Variants in MORC2 observed in about 807,000 individuals in gnomAD.
MORC2 encodes MORC family CW-type zinc finger 2.
A neutral mutation model predicts 136.0 loss-of-function variants in MORC2; 30 were observed. The observed-to-expected ratio is 0.22, with a 90% CI of 0.17 to 0.30. The LOEUF is 0.30. Among genes scored for constraint, MORC2 ranks in the 10% least tolerant of loss-of-function variants. The pLI is 1.00. For missense variants in MORC2, 922 were observed against 1,333.1 expected (o/e 0.69, Z 4.80); for synonymous variants, 439 against 487.0 (o/e 0.90, Z 1.30).
chr22:30,966,040 C>T (rs765074254), intron 1 of MORC2, among the ~76,000 whole-genome samples: 1 of 152,214 alleles, frequency 6.6e-6, no homozygotes, highest in Non-Finnish European at 1.5e-5. Context: ...TCAGTTTCCT[C>T]AAATGCAAAA....
At position 30,932,837 on chromosome 22, in the gene MORC2, C is replaced by T; in HGVS notation, c.2522+52G>A. ...CCAGGATGGGCTGCTGGCAGGGAGG[C>T]CGGGGATACCTCCTTCGAGGAACCA... is the stretch of plus-strand genomic sequence containing the variant. On this transcript the variant is annotated intron_variant, in intron 22 of 25. Transcript: ENST00000397641. This position sits in a 1 kb window ranked among gnomAD's most constrained non-coding sequence, Gnocchi z 4.4. 6.2e-7 allele frequency: 1 copy of T among 1,613,306 alleles called. No homozygotes were observed. Among genetic ancestry groups the T allele is most frequent in the Non-Finnish European group, 8.5e-7 (1 of 1,179,426 alleles).
At position 30,937,075 on chromosome 22, in the gene MORC2, C is replaced by T. The variant is rs1331725175; in HGVS notation, c.1499-38G>A. 1.4e-6 allele frequency: 2 copies of T among 1,447,752 alleles called. No homozygotes were observed. The highest frequency in any genetic ancestry group is 1.7e-5 in the Admixed American group (1 of 58,832). 89.7% of individuals were successfully genotyped at this position (1,447,752 alleles called of 1,614,324 possible). A position where few individuals can be genotyped will look rare whatever the true frequency, so the allele number is the denominator to read the frequency against. Reference sequence around the variant, plus strand: ...AAAAAACCCCACATATCAGCCACGCCCACCAACTCTATCTGTAATCCGGGT... The same window carrying T: ...AAAAAACCCCACATATCAGCCACGCTCACCAACTCTATCTGTAATCCGGGT... On this transcript the variant is annotated intron_variant, in intron 15 of 25. Transcript: ENST00000397641. The surrounding 1 kb of genome is among the most constrained non-coding windows in gnomAD (Gnocchi z 4.7).
rs576379488 is a variant in MORC2, at chr22:30,927,643, G to C, written c.3030+376C>G. On this transcript the variant is annotated intron_variant, in intron 25 of 25. Transcript: ENST00000397641. The stretch of plus-strand genomic sequence containing the variant: ...TGTTCATTCTGTATCCACAGGACAG[G>C]CACAGAGCAGGCCCTCATGCTTATT... Among the ~76,000 whole-genome samples, 211 of 152,312 alleles carry C rather than the reference G, an allele frequency of 1.4e-3. 1 individual carries two copies. The highest frequency in any genetic ancestry group is 4.8e-3 in the African/African-American group (199 of 41,562).
intron 6 of MORC2, among the ~76,000 whole-genome samples, chr22:30,944,162 G>A (rs2040780729): frequency 6.6e-6 from 1 of 152,270 alleles, no homozygotes; most frequent in Admixed American, 6.5e-5. Flanking sequence ...TGAAATCTTG[G>A]CTGAGTTTGC....
rs1207769294 is a variant in MORC2 at position 30,967,932 on chromosome 22, A to C, written c.-43T>G. 1.4e-6 allele frequency: 2 copies of C among 1,415,298 alleles called. No homozygotes were observed. Among genetic ancestry groups the C allele is most frequent in the African/African-American group, 1.4e-5 (1 of 70,262 alleles). The allele number at this position is 1,415,298 out of a possible 1,614,324, so 87.7% of individuals were successfully genotyped here. The stretch of plus-strand genomic sequence containing the variant: ...CAGCCCTTCACCCGCTAACTGGGAA[A>C]TATAACCTTATAATGATATCGATTT... On this transcript the variant is annotated 5_prime_UTR_variant, in exon 1 of 26. Transcript: ENST00000397641.
At chr22:30,933,316 T>C in intron 21 of MORC2, 150 bp downstream of exon 21, 1 of 871,310 alleles carries the variant, frequency 1.1e-6, no homozygotes, top group East Asian at 2.6e-5. Flanking sequence ...AGAATTCTGC[T>C]TGGGATTAGA....
At chr22:30,940,861 G>C in intron 9 of MORC2, 24 bp from the exon 10 acceptor site, 1 of 1,605,018 alleles carries the variant, frequency 6.2e-7, no homozygotes, top group Non-Finnish European at 8.5e-7. Context: ...AAAGCAAGCT[G>C]ATGGCCCACG....
At chr22:30,943,730 G>A (rs777207806) in intron 6 of MORC2, among the ~76,000 whole-genome samples, 1 of 152,112 alleles carries the variant, frequency 6.6e-6, no homozygotes. Context: ...CATTTTGCTG[G>A]GTTTTTTTAT....
intron 1 of MORC2, among the ~76,000 whole-genome samples, chr22:30,966,899 A>C (rs974399327): frequency 2.6e-5 from 4 of 152,338 alleles, no homozygotes; most frequent in African/African-American, 9.6e-5. Context: ...TACAGACATT[A>C]TGATATCACA....
rs1252988467 is a variant in MORC2 at position 30,928,141 on chromosome 22, C to T, written c.2908G>A (p.Asp970Asn). The T allele has an allele frequency of 6.2e-7, 1 of 1,614,190 alleles. No homozygotes were observed. Among genetic ancestry groups the T allele is most frequent in the Admixed American group, 1.7e-5 (1 of 60,026 alleles). The change falls in exon 25 of 26, where the codon GAC (aspartate) becomes AAC (asparagine). Residue 970 changes from aspartate to asparagine, a missense_variant. Asp to Asn is a conservative substitution (Grantham distance 23). Coordinates refer to ENST00000397641, the MANE Select transcript of MORC2 (RefSeq NM_001303256.3). ...TCCTCGGAGGCCTTGGCCCGGGAGT[C>T]AGCACGGCTCTGGTAGGAATTGCAC... is the stretch of plus-strand genomic sequence containing the variant. Reference protein sequence around the residue: ...NLCNSYQSRADSRAKASEESL... With the variant: ...NLCNSYQSRANSRAKASEESL...
At chr22:30,927,309 C>A (rs967502778) in intron 25 of MORC2, among the ~76,000 whole-genome samples, 4 of 152,034 alleles carry the variant, frequency 2.6e-5, no homozygotes, top group Admixed American at 6.5e-5. Context: ...CATCATGCCA[C>A]ACCCCTCCAG....
chr22:30,928,204 C>A lies in MORC2; in HGVS notation c.2845G>T (p.Glu949Ter). The change falls in exon 25 of 26, where the codon GAG (glutamate) becomes TAG (stop). Residue 949 changes from glutamate to a stop codon, truncating the protein, a stop_gained. Coordinates refer to ENST00000397641, the MANE Select transcript of MORC2 (RefSeq NM_001303256.3). LOFTEE classifies it high-confidence loss of function. ...CCTACTTCATATTGCTTGAAGTACT[C>A]CTTCTGTTGGGAGCAGAGCAAGAGG... ...SDELISFPLK[E>*]YFKQYEVGLQ... The A allele has an allele frequency of 6.2e-7, 1 of 1,614,094 alleles. No homozygotes were observed. Among genetic ancestry groups the A allele is most frequent in the Non-Finnish European group, 8.5e-7 (1 of 1,180,014 alleles).
chr22:30,965,215 T>A (rs1241915948), intron 1 of MORC2, among the ~76,000 whole-genome samples: 1 of 152,200 alleles, frequency 6.6e-6, no homozygotes, highest in African/African-American at 2.4e-5. Flanking sequence ...ACCATTTATT[T>A]CCTAATTCGC....
intron 10 of MORC2, 67 bp downstream of exon 10, chr22:30,940,691 A>C: frequency 7.1e-7 from 1 of 1,414,882 alleles, no homozygotes; most frequent in Non-Finnish European, 1.0e-6. Flanking sequence ...CTGGAACCCC[A>C]CTTTGCCCAC....
intron 2 of MORC2, among the ~76,000 whole-genome samples, chr22:30,957,972 G>A (rs2040991232): frequency 6.6e-6 from 1 of 152,268 alleles, no homozygotes; most frequent in Middle Eastern, 3.4e-3. Context: ...AAATGTGTCT[G>A]AATTTTATGT....
rs1209270888 is a variant in MORC2 at position 30,958,643 on chromosome 22, T to G, written c.120A>C (p.Ala40=). ...TTGTATGCCTGAAGACTACATACCTTGCATTATCAACCAGTTCAGCAAGGG... is the reference window on the plus strand; with the variant it reads ...TTGTATGCCTGAAGACTACATACCTGGCATTATCAACCAGTTCAGCAAGGG... The part of the protein sequence containing the change: ...FGALAELVDN[A]RDADATRIDI... The change falls in exon 2 of 26, where the codon GCA becomes GCC. Residue 40 remains alanine, a splice_region_variant and synonymous_variant. Coordinates refer to ENST00000397641, the MANE Select transcript of MORC2 (RefSeq NM_001303256.3). 1 of 1,547,748 alleles carries G rather than the reference T, an allele frequency of 6.5e-7. No individual in the cohort carries two copies. Among genetic ancestry groups the G allele is most frequent in the Non-Finnish European group, 8.7e-7 (1 of 1,144,598 alleles).
intron 17 of MORC2, among the ~76,000 whole-genome samples, chr22:30,936,274 A>G (rs1188257211): frequency 6.6e-6 from 1 of 152,236 alleles, no homozygotes; most frequent in Non-Finnish European, 1.5e-5. Flanking sequence ...GAATTGGACC[A>G]CTTTGAAGTA....
At chr22:30,933,947 GTTGTGTAGACTGCTGGTGGA>G (rs1172420281) in intron 20 of MORC2, 93 bp downstream of exon 20, 24 of 1,354,162 alleles carry the variant, frequency 1.8e-5, no homozygotes, top group East Asian at 6.9e-5. Flanking sequence ...CTGCTGGTGG[GTTGTGTAGACTGCTGGTGGA>G]TGGTATAGAC....
At position 30,938,222 on chromosome 22, in the gene MORC2, A is replaced by C; in HGVS notation, c.1074-17T>G. The C allele has an allele frequency of 7.2e-7, 1 of 1,391,760 alleles. No homozygotes were observed. The allele number at this position is 1,391,760 out of a possible 1,614,324, so 86.2% of individuals were successfully genotyped here. ...TTAAGTGCTCTAAGAAGACAAAAAAACTCAAGCAGATCTACACATCGGCAC... is the reference window on the plus strand; with the variant it reads ...TTAAGTGCTCTAAGAAGACAAAAAACCTCAAGCAGATCTACACATCGGCAC... On this transcript the variant is annotated splice_polypyrimidine_tract_variant and intron_variant, in intron 12 of 25. Transcript: ENST00000397641.
Sources: gnomAD v4.1 joint callset for allele counts (sites outside exome capture counted in the v4.1 genomes callset) on GRCh38, gnomAD v4.1.1 for gene constraint, Gnocchi (gnomAD v3.1) non-coding constraint, MANE v1.5 for transcripts, NCBI Gene and HGNC (gene_info 2026-07-23, HGNC 2026-07-21) for gene names.